ARHGAP22: variants seen among roughly 807,000 people sequenced by gnomAD.
The protein encoded by ARHGAP22 is Rho GTPase activating protein 22.
Under a neutral mutation model 59.1 loss-of-function variants are expected in ARHGAP22, and 48 were observed. The ratio of observed to expected loss-of-function variants is 0.81; its 90% CI spans 0.64 to 1.03. ARHGAP22 has a LOEUF of 1.03. ARHGAP22 is among the 50% of genes least tolerant of loss of function. The pLI, the probability that ARHGAP22 is intolerant of heterozygous loss-of-function variation, is 0.00. For synonymous variants in ARHGAP22, 445 were observed against 416.4 expected (o/e 1.07, Z -0.84); for missense variants, 1,015 against 958.7 (o/e 1.06, Z -0.78).
At position 48,479,297 on chromosome 10, in the gene ARHGAP22, A is replaced by T. The variant is rs962036116; in HGVS notation, c.451+339T>A. ...GTGACATGTCTCACCCCTGGACACC[A>T]CGAGACACATGTCCTTGTCTACCAT... is the stretch of plus-strand genomic sequence containing the variant. On this transcript the variant is annotated intron_variant, in intron 4 of 9. Transcript: ENST00000249601. 2.2e-5 allele frequency: 9 copies of T among 412,772 alleles called. No homozygotes were observed. In the East Asian group the frequency reaches 4.3e-4, roughly 20 times the overall value. 25.6% of individuals were successfully genotyped at this position (412,772 alleles called of 1,614,324 possible).
At chr10:48,615,330 C>T (rs574998964) in intron 1 of ARHGAP22, among the ~76,000 whole-genome samples, 22 of 152,312 alleles carry the variant, frequency 1.4e-4, no homozygotes, top group East Asian at 5.8e-4. Context: ...TCTGTCAAAT[C>T]GCTAACTGAC....
Position 48,459,579 on chromosome 10 carries a change from C to A in ARHGAP22, c.659+105G>T. On this transcript the variant is annotated intron_variant, in intron 5 of 9. Transcript: ENST00000249601. ...CCCACTAGGAGGGCTGGCCCACCAT[C>A]CTGTCGCTAGCCCACCCCTGCCCAC... 1 of 1,315,360 alleles carries A rather than the reference C, an allele frequency of 7.6e-7. No homozygotes were observed. 81.5% of individuals were successfully genotyped at this position (1,315,360 alleles called of 1,614,324 possible).
chr10:48,623,148 C>T (rs1255444218), intron 1 of ARHGAP22, among the ~76,000 whole-genome samples: 1 of 152,170 alleles, frequency 6.6e-6, no homozygotes, highest in African/African-American at 2.4e-5. Flanking sequence ...GGAGACAGTC[C>T]TATCTTGTTC....
At chr10:48,582,877 C>G in intron 2 of ARHGAP22, 76 bp downstream of exon 2, 1 of 1,546,982 alleles carries the variant, frequency 6.5e-7, no homozygotes, top group Non-Finnish European at 8.9e-7. Flanking sequence ...GCCTTCCTCC[C>G]TTCTCCTGGG....
At chr10:48,546,866 G>A (rs2056483961) in intron 3 of ARHGAP22, among the ~76,000 whole-genome samples, 2 of 152,254 alleles carry the variant, frequency 1.3e-5, no homozygotes, top group South Asian at 4.1e-4. Flanking sequence ...TCTAGACCAG[G>A]TACCTACTAT....
intron 4 of ARHGAP22, among the ~76,000 whole-genome samples, chr10:48,476,596 T>C (rs2048770863): frequency 1.3e-5 from 2 of 152,236 alleles, no homozygotes; most frequent in African/African-American, 2.4e-5. Context: ...CTGAGATTTC[T>C]GCATTTCCTC....
In ARHGAP22 at chr10:48,524,011, G is replaced by T. The variant is rs771738184; in HGVS notation, c.322+31452C>A. ...CGAGGCGGGGCTGGCAGCCTCTGGC[G>T]GCGGCCGCAGGGAGCGGGGCGCACG... On this transcript the variant is annotated intron_variant, in intron 3 of 9. Coordinates refer to ENST00000249601, the MANE Select transcript of ARHGAP22 (RefSeq NM_021226.4). The T allele has an allele frequency of 5.4e-5, 78 of 1,443,774 alleles. 1 individual carries two copies. The highest frequency in any genetic ancestry group is 5.1e-4 in the South Asian group (37 of 73,160). The allele number at this position is 1,443,774 out of a possible 1,614,324, so 89.4% of individuals were successfully genotyped here. A position where few individuals can be genotyped will look rare whatever the true frequency, so the allele number is the denominator to read the frequency against.
intron 3 of ARHGAP22, among the ~76,000 whole-genome samples, chr10:48,549,614 G>T (rs2056740221): frequency 1.3e-5 from 2 of 152,172 alleles, no homozygotes; most frequent in Non-Finnish European, 2.9e-5. Flanking sequence ...GAGGCAAGTG[G>T]CCTAGGGATT....
chr10:48,565,834 C>T (rs961240101), intron 2 of ARHGAP22, among the ~76,000 whole-genome samples: 1 of 152,186 alleles, frequency 6.6e-6, no homozygotes, highest in African/African-American at 2.4e-5. Context: ...TTTGTTTGGT[C>T]TGTTTGTAGA....
chr10:48,524,475 C>CCACGGGGGCGT (rs1417648385), intron 3 of ARHGAP22, among the ~76,000 whole-genome samples: 1 of 151,950 alleles, frequency 6.6e-6, no homozygotes, highest in Non-Finnish European at 1.5e-5. Context: ...CCAGGGGGCG[C>CCACGGGGGCGT]CACGGAGCCG....
At chr10:48,557,151 G>A (rs949986184) in intron 2 of ARHGAP22, among the ~76,000 whole-genome samples, 3 of 152,174 alleles carry the variant, frequency 2.0e-5, no homozygotes, top group African/African-American at 7.2e-5. Context: ...AGAGAACTTG[G>A]AGCTACTGGA....
chr10:48,494,981 T>TGA (rs2050770266), intron 3 of ARHGAP22, among the ~76,000 whole-genome samples: 1 of 152,206 alleles, frequency 6.6e-6, no homozygotes, highest in African/African-American at 2.4e-5. Flanking sequence ...CTTCCCTGGG[T>TGA]GAGAGCCTTC....
upstream of ARHGAP22, among the ~76,000 whole-genome samples, chr10:48,655,040 T>C (rs1238575338): frequency 1.6e-5 from 1 of 63,160 alleles, no homozygotes; most frequent in African/African-American, 6.4e-5. Flanking sequence ...CATTCTTTCT[T>C]TCTTTCTTTC....
chr10:48,445,227 CTGAG>C (rs2045297389), downstream of ARHGAP22: 1 of 152,266 alleles, frequency 6.6e-6, no homozygotes, highest in African/African-American at 2.4e-5. Context: ...CTCGTTGGGC[CTGAG>C]TGACATTTCT....
chr10:48,626,770 G>A (rs1198294116), intron 1 of ARHGAP22, among the ~76,000 whole-genome samples: 1 of 152,186 alleles, frequency 6.6e-6, no homozygotes, highest in Non-Finnish European at 1.5e-5. Flanking sequence ...GGAATTTCCT[G>A]AGTAACAGAA....
Position 48,451,440 on chromosome 10 carries a change from G to A in ARHGAP22, c.989-300C>T, listed in dbSNP as rs1320614137. The A allele has an allele frequency of 2.1e-5, 15 of 702,848 alleles. No homozygotes were observed. In the Admixed American group the frequency reaches 2.6e-4, roughly 12 times the overall value. The allele number at this position is 702,848 out of a possible 1,614,324, so 43.5% of individuals were successfully genotyped here. ...GGTGGGGTGAGGAAGCAGGCACCAAGGCTGCACGGTGAGCAGGTGGCAGGT... is the reference window on the plus strand; with the variant it reads ...GGTGGGGTGAGGAAGCAGGCACCAAAGCTGCACGGTGAGCAGGTGGCAGGT... On this transcript the variant is annotated intron_variant, in intron 8 of 9. Coordinates refer to ENST00000249601, the MANE Select transcript of ARHGAP22 (RefSeq NM_021226.4).
chr10:48,533,181 G>GTTT (rs75585707), intron 3 of ARHGAP22, among the ~76,000 whole-genome samples: 1 of 142,416 alleles, frequency 7.0e-6, no homozygotes, highest in Non-Finnish European at 1.5e-5. Context: ...TTGTTCTGTT[G>GTTT]TTTTTTTTTT....
At chr10:48,479,527 G>T in intron 4 of ARHGAP22, 109 bp downstream of exon 4, 3 of 1,581,682 alleles carry the variant, frequency 1.9e-6, no homozygotes, top group Non-Finnish European at 2.6e-6. Flanking sequence ...ACAGGATGCA[G>T]CCAGCAAGTC....
At chr10:48,483,506 T>G (rs1317599132) in intron 3 of ARHGAP22, among the ~76,000 whole-genome samples, 1 of 152,210 alleles carries the variant, frequency 6.6e-6, no homozygotes, top group African/African-American at 2.4e-5. Flanking sequence ...AATGACTGTG[T>G]TAATTTACAT....
Sources: allele counts gnomAD v4.1 joint callset (sites outside exome capture counted in the v4.1 genomes callset), GRCh38; gene constraint gnomAD v4.1.1; transcripts MANE v1.5; gene names NCBI Gene and HGNC (gene_info 2026-07-23, HGNC 2026-07-21).